IFNLR1: variants seen among roughly 807,000 people sequenced by gnomAD.
IFNLR1 encodes the protein interferon lambda receptor 1, also known as CRF2-12.
IFNLR1 carries 28 observed loss-of-function variants against 52.5 expected under a neutral mutation model. The ratio of observed to expected loss-of-function variants is 0.53; its 90% CI spans 0.40 to 0.73. The LOEUF is 0.73. Among genes scored for constraint, IFNLR1 ranks in the 30% least tolerant of loss-of-function variants. IFNLR1 has a pLI of 0.00. For synonymous variants in IFNLR1, 276 were observed against 274.9 expected (o/e 1.00, Z -0.04); for missense variants, 623 against 659.1 (o/e 0.95, Z 0.60).
At chr1:24,186,533 A>G (rs1644740622) in intron 1 of IFNLR1, among the ~76,000 whole-genome samples, 1 of 152,032 alleles carries the variant, frequency 6.6e-6, no homozygotes, top group Non-Finnish European at 1.5e-5. Context: ...AGACTAGGAA[A>G]ATATCCTGGG....
intron 3 of IFNLR1, among the ~76,000 whole-genome samples, chr1:24,162,860 T>TTTCC (rs1644472295): frequency 1.2e-5 from 1 of 80,690 alleles, no homozygotes; most frequent in Non-Finnish European, 2.4e-5. Flanking sequence ...TCTTTCTTTC[T>TTTCC]TTCTTTCTTT....
intron 1 of IFNLR1, among the ~76,000 whole-genome samples, chr1:24,186,619 C>T (rs1054608683): frequency 3.9e-5 from 6 of 152,044 alleles, no homozygotes; most frequent in African/African-American, 1.2e-4. Context: ...GGTCCTACGG[C>T]GAGGAATTTT....
intron 1 of IFNLR1, among the ~76,000 whole-genome samples, chr1:24,182,016 T>C (rs1489667315): frequency 6.6e-6 from 1 of 152,034 alleles, no homozygotes; most frequent in African/African-American, 2.4e-5. Flanking sequence ...CTTGGCCAAC[T>C]TGGTGAAACC....
chr1:24,158,374 A>G (rs934983880), intron 6 of IFNLR1, among the ~76,000 whole-genome samples: 1 of 152,202 alleles, frequency 6.6e-6, no homozygotes, highest in Non-Finnish European at 1.5e-5. Flanking sequence ...AGACATGTCT[A>G]CCCGAGGTTG....
In IFNLR1 at chr1:24,169,607, G is replaced by GGAGGAGA; in HGVS notation, c.183-13_183-7dup. Reference sequence around the variant, plus strand: ...ACCGTCTACGGGTGGGAGAGCTGGGGGAGGAGAGAGGAGAGCTTGGGCCAT... The same window carrying GGAGGAGA: ...ACCGTCTACGGGTGGGAGAGCTGGGGGAGGAGAGAGGAGAGAGGAGAGCTTGGGCCAT... On this transcript the variant is annotated splice_region_variant and splice_polypyrimidine_tract_variant and intron_variant, in intron 2 of 6. Coordinates refer to ENST00000327535, the MANE Select transcript of IFNLR1 (RefSeq NM_170743.4). 1 of 1,610,398 alleles carries GGAGGAGA rather than the reference G, an allele frequency of 6.2e-7. No individual in the cohort carries two copies. Among genetic ancestry groups the GGAGGAGA allele is most frequent in the Middle Eastern group, 1.7e-4 (1 of 6,022 alleles).
chr1:24,166,203 A>ATCCT (rs1009285851), intron 3 of IFNLR1, among the ~76,000 whole-genome samples: 3 of 59,716 alleles, frequency 5.0e-5, no homozygotes, highest in East Asian at 3.6e-4. Flanking sequence ...CCATCCATCC[A>ATCCT]TCCTTCCTTC....
intron 2 of IFNLR1, among the ~76,000 whole-genome samples, chr1:24,175,814 A>G (rs1644626270): frequency 6.6e-6 from 1 of 151,992 alleles, no homozygotes; most frequent in East Asian, 1.9e-4. Flanking sequence ...CATGCCTGTA[A>G]TCCCAGCTAC....
intron 3 of IFNLR1, among the ~76,000 whole-genome samples, chr1:24,164,287 T>C (rs751153835): frequency 5.6e-4 from 85 of 152,230 alleles, no homozygotes; most frequent in Non-Finnish European, 1.6e-4. Context: ...GTCTGAGATA[T>C]CCTTCCTTTT....
intron 3 of IFNLR1, among the ~76,000 whole-genome samples, chr1:24,162,467 C>T (rs1048853403): frequency 3.9e-5 from 6 of 152,370 alleles, no homozygotes; most frequent in African/African-American, 1.4e-4. Context: ...GATAACCTCA[C>T]TATTTGAAGA....
intron 3 of IFNLR1, among the ~76,000 whole-genome samples, chr1:24,162,750 TTC>T (rs1557643798): frequency 0.12 from 3,532 of 30,670 alleles, 267 homozygotes; most frequent in Admixed American, 0.15. Flanking sequence ...CTTTCTTTCT[TTC>T]TTTCTTTCTT....
chr1:24,184,505 C>G (rs570107204), intron 1 of IFNLR1, among the ~76,000 whole-genome samples: 3 of 152,288 alleles, frequency 2.0e-5, no homozygotes, highest in South Asian at 2.1e-4. Context: ...TCTTGCTGCT[C>G]TCTCCCCAAC....
intron 3 of IFNLR1, among the ~76,000 whole-genome samples, chr1:24,166,364 C>A (rs1223727528): frequency 1.3e-5 from 2 of 152,100 alleles, no homozygotes; most frequent in Non-Finnish European, 2.9e-5. Flanking sequence ...TCCCATACAT[C>A]CATTCTTCTT....
At chr1:24,162,815 TTTTCTTCTTTC>T (rs1644467530) in intron 3 of IFNLR1, among the ~76,000 whole-genome samples, 3 of 59,376 alleles carry the variant, frequency 5.1e-5, no homozygotes, top group Admixed American at 4.0e-4. Flanking sequence ...TTCTTTCTTT[TTTTCTTCTTTC>T]TTTCTTTTCT....
chr1:24,169,689 G>T, intron 2 of IFNLR1, 88 bp from the exon 3 acceptor site: 3 of 1,384,560 alleles, frequency 2.2e-6, no homozygotes, highest in Non-Finnish European at 9.9e-7. Flanking sequence ...GCTTCCCTCT[G>T]TTTGGCTGGA....
chr1:24,172,809 G>C (rs1644594443), intron 2 of IFNLR1, among the ~76,000 whole-genome samples: 2 of 152,194 alleles, frequency 1.3e-5, no homozygotes, highest in Admixed American at 1.3e-4. Context: ...CCAAGATCAA[G>C]GCATCAGCAG....
rs1644419821 is a variant in IFNLR1 at position 24,159,635 on chromosome 1, T to C, written c.511-2A>G. The C allele has an allele frequency of 6.2e-7, 1 of 1,613,562 alleles. No homozygotes were observed. Among genetic ancestry groups the C allele is most frequent in the African/African-American group, 1.3e-5 (1 of 74,788 alleles). On this transcript the variant is annotated splice_acceptor_variant, in intron 4 of 6. Coordinates refer to ENST00000327535, the MANE Select transcript of IFNLR1 (RefSeq NM_170743.4). LOFTEE classifies it high-confidence loss of function. ...ATGGGGAGTGACTGGAAATAGGGTCTGTTTGGAAAAGAAGCAGAGAGTGGC... is the reference window on the plus strand; with the variant it reads ...ATGGGGAGTGACTGGAAATAGGGTCCGTTTGGAAAAGAAGCAGAGAGTGGC...
chr1:24,162,710 TCTTTCTTTCTTTC>T (rs1263995070), intron 3 of IFNLR1, among the ~76,000 whole-genome samples: 2 of 20,948 alleles, frequency 9.5e-5, no homozygotes, highest in Non-Finnish European at 1.9e-4. Flanking sequence ...TCTTTTCTTT[TCTTTCTTTCTTTC>T]TTTTCTTTCT....
At position 24,161,733 on chromosome 1, in the gene IFNLR1, C is replaced by T. The variant is rs756838538; in HGVS notation, c.368-49G>A. The T allele has an allele frequency of 2.8e-6, 4 of 1,443,370 alleles. No homozygotes were observed. The South Asian group carries it at 4.5e-5, about 16-fold the overall frequency. The allele number at this position is 1,443,370 out of a possible 1,614,324, so 89.4% of individuals were successfully genotyped here. On this transcript the variant is annotated intron_variant, in intron 3 of 6. Coordinates refer to ENST00000327535, the MANE Select transcript of IFNLR1 (RefSeq NM_170743.4). ...TCAGTAATCCCGAGGGGCCGCACTG[C>T]CTCCATCCCCCAAGACCAGAGAGCT...
At chr1:24,180,593 G>C (rs1644679266) in intron 2 of IFNLR1, 138 bp downstream of exon 2, 2 of 792,368 alleles carry the variant, frequency 2.5e-6, no homozygotes, top group South Asian at 3.6e-5. Flanking sequence ...CCAAATGCCG[G>C]CCACATGCCA....
Sources: allele counts gnomAD v4.1 joint callset (sites outside exome capture counted in the v4.1 genomes callset), GRCh38; gene constraint gnomAD v4.1.1; transcripts MANE v1.5; gene names NCBI Gene and HGNC (gene_info 2026-07-23, HGNC 2026-07-21).